The following WDR36 variants were observed in gnomAD, a reference collection of about 807,000 sequenced individuals.
WDR36 encodes the protein WD repeat domain 36.
A neutral mutation model predicts 112.7 loss-of-function variants in WDR36; 63 were observed. The ratio of observed to expected loss-of-function variants is 0.56; its 90% CI spans 0.46 to 0.69. The LOEUF (loss-of-function observed/expected upper bound fraction) is 0.69. Ranked by LOEUF, WDR36 falls within the 30% of genes least tolerant of loss-of-function variation. The pLI, the probability that WDR36 is intolerant of heterozygous loss-of-function variation, is 0.00. For missense variants in WDR36, 1,226 were observed against 1,070.3 expected (o/e 1.15, Z -2.03); for synonymous variants, 410 against 362.2 (o/e 1.13, Z -1.50).
Position 111,098,483 on chromosome 5 carries a change from C to G in WDR36, c.292-239C>G, listed in dbSNP as rs1251161776. 3.3e-5 allele frequency among the ~76,000 whole-genome samples: 5 copies of G among 152,258 alleles called. No individual in the cohort carries two copies. In the East Asian group the frequency reaches 7.7e-4, roughly 24 times the overall value. ...AGATGGAAGGCAGAGCCTCAGAGGT[C>G]TCATTTCTTTGTTCTTAATGGACAG... On this transcript the variant is annotated intron_variant, in intron 3 of 22. Transcript: ENST00000513710.
At chr5:111,113,369 C>A (rs954905690) in intron 16 of WDR36, among the ~76,000 whole-genome samples, 5 of 151,972 alleles carry the variant, frequency 3.3e-5, no homozygotes, top group Non-Finnish European at 7.4e-5. Flanking sequence ...TGAAATCTCT[C>A]TTAGGTTTTC....
rs1357360602 is a variant in WDR36 at position 111,120,656 on chromosome 5, T to C, written c.2002+63T>C. 7.8e-6 allele frequency: 11 copies of C among 1,406,378 alleles called. No individual in the cohort carries two copies. The African/African-American group carries it at 9.9e-5, about 13-fold the overall frequency. 87.1% of individuals were successfully genotyped at this position (1,406,378 alleles called of 1,614,324 possible). The stretch of plus-strand genomic sequence containing the variant: ...TATTATAAACCTAATGTAGGAGATA[T>C]TGCTACCAAAGGCAAAGTTTAGTGC... On this transcript the variant is annotated intron_variant, in intron 18 of 22. Transcript: ENST00000513710.
intron 2 of WDR36, among the ~76,000 whole-genome samples, chr5:111,095,852 GT>G (rs780316446): frequency 2.0e-5 from 3 of 151,470 alleles, no homozygotes; most frequent in South Asian, 4.2e-4. Context: ...CAATGGAAGG[GT>G]TTTTTTTTAA....
intron 15 of WDR36, chr5:111,111,615 T>C: frequency 3.7e-6 from 1 of 267,430 alleles, no homozygotes; most frequent in Admixed American, 5.0e-5. Context: ...TCTGATTTAC[T>C]ATGTATGGAA....
At chr5:111,097,270 C>T in intron 3 of WDR36, 91 bp downstream of exon 3, 1 of 882,674 alleles carries the variant, frequency 1.1e-6, no homozygotes, top group Non-Finnish European at 1.9e-6. Flanking sequence ...TTACCCAGCA[C>T]ACTCTGGAAC....
chr5:111,126,597 A>G, intron 22 of WDR36, 137 bp from the exon 23 acceptor site: 1 of 930,388 alleles, frequency 1.1e-6, no homozygotes, highest in Non-Finnish European at 1.6e-6. Flanking sequence ...GGAAAATGGG[A>G]GATAGTAATA....
At position 111,127,923 on chromosome 5, in the gene WDR36, G is replaced by GTTTTTTTTTTTTTTTTTTTTTT. The variant is rs1174312563; in HGVS notation, c.*1059_*1060insTTTTTTTTTTTTTTTTTTTTTT. ...GGTTTTTTTTATTTTGTTTTGTTTT[G>GTTTTTTTTTTTTTTTTTTTTTT]TTTTTTTTTTTTTTTTTTTGGCTAC... is the stretch of plus-strand genomic sequence containing the variant. On this transcript the variant is annotated 3_prime_UTR_variant, in exon 23 of 23. Coordinates refer to ENST00000513710, the MANE Select transcript of WDR36 (RefSeq NM_139281.3). 1 of 134,334 alleles carries GTTTTTTTTTTTTTTTTTTTTTT rather than the reference G, an allele frequency of 7.4e-6. No homozygotes were observed. The allele number at this position is 134,334 out of a possible 1,614,324, so 8.3% of individuals were successfully genotyped here. A position where few individuals can be genotyped will look rare whatever the true frequency, so the allele number is the denominator to read the frequency against.
intron 12 of WDR36, among the ~76,000 whole-genome samples, chr5:111,108,087 T>A (rs1753254970): frequency 1.3e-5 from 2 of 151,448 alleles, no homozygotes; most frequent in Non-Finnish European, 3.0e-5. Context: ...GTGTTGTCTC[T>A]GATCTATGAA....
rs144303225 is a variant in WDR36 at position 111,125,732 on chromosome 5, G to A, written c.2475G>A (p.Gly825=). The change falls in exon 22 of 23, where the codon GGG becomes GGA. Residue 825 remains glycine (G), a synonymous_variant. Transcript: ENST00000513710. ...TGCAGAGCTTCTTGAAAATGATTGGGATGATGCTGGACAGAAAGCGTGATT... is the reference window on the plus strand; with the variant it reads ...TGCAGAGCTTCTTGAAAATGATTGGAATGATGCTGGACAGAAAGCGTGATT... ...EVMQSFLKMI[G]MMLDRKRDFE... is the part of the protein sequence containing the mutation. 6.1e-5 allele frequency: 99 copies of A among 1,613,812 alleles called. No individual in the cohort carries two copies. Among genetic ancestry groups the A allele is most frequent in the Admixed American group, 4.0e-4 (24 of 59,984 alleles).
intron 15 of WDR36, among the ~76,000 whole-genome samples, chr5:111,112,027 T>C (rs926035044): frequency 4.0e-5 from 6 of 151,822 alleles, no homozygotes; most frequent in Non-Finnish European, 5.9e-5. Context: ...TCCTTCAAAA[T>C]TGAAGAAAAA....
At chr5:111,114,141 G>C (rs1036919749) in intron 16 of WDR36, among the ~76,000 whole-genome samples, 3 of 152,160 alleles carry the variant, frequency 2.0e-5, no homozygotes, top group Non-Finnish European at 4.4e-5. Flanking sequence ...GAACAGAGGA[G>C]ACATACAGAA....
In WDR36 at chr5:111,113,113, A is replaced by C; in HGVS notation, c.1756A>C (p.Met586Leu). The change falls in exon 16 of 23, where the codon ATG becomes CTG. Residue 586 changes from methionine to leucine, a missense_variant. Met to Leu is a conservative substitution (Grantham distance 15). Coordinates refer to ENST00000513710, the MANE Select transcript of WDR36 (RefSeq NM_139281.3). ...TGGTCGTTGGTTAATAAGTGCTGCG[A>C]TGGATTGCTCTATTAGGACTTGGGA... Reference protein sequence around the residue: ...PDGRWLISAAMDCSIRTWDLP... With the variant: ...PDGRWLISAALDCSIRTWDLP... 1 of 1,581,190 alleles carries C rather than the reference A, an allele frequency of 6.3e-7. No homozygotes were observed. Among genetic ancestry groups the C allele is most frequent in the Non-Finnish European group, 8.6e-7 (1 of 1,161,666 alleles).
chr5:111,103,818 TATGTC>T lies in WDR36; in HGVS notation c.632_636del (p.Met211ArgfsTer9). ...CCGTGGATGTTGTTGCTATTGGTCT[TATGTC>T]AGGTCAAGTTATCATTCACAACATT... On this transcript the variant is annotated frameshift_variant, in exon 7 of 23. Coordinates refer to ENST00000513710, the MANE Select transcript of WDR36 (RefSeq NM_139281.3). LOFTEE classifies it high-confidence loss of function. The T allele has an allele frequency of 6.2e-7, 1 of 1,611,324 alleles. No homozygotes were observed. Among genetic ancestry groups the T allele is most frequent in the Non-Finnish European group, 8.5e-7 (1 of 1,178,196 alleles).
chr5:111,092,437 G>A lies in WDR36; in HGVS notation c.-20G>A, dbSNP rs963866283. ...TTTCCTTCAGGACCAGAGCTGAGAG[G>A]AGCTGGGATCGCGGCGGCAATGGAA... On this transcript the variant is annotated 5_prime_UTR_variant, in exon 1 of 23. Coordinates refer to ENST00000513710, the MANE Select transcript of WDR36 (RefSeq NM_139281.3). The A allele has an allele frequency of 5.0e-6, 8 of 1,614,128 alleles. No homozygotes were observed. Among genetic ancestry groups the A allele is most frequent in the Non-Finnish European group, 6.8e-6 (8 of 1,180,052 alleles).
chr5:111,113,084 C>A lies in WDR36; in HGVS notation c.1727C>A (p.Pro576His), dbSNP rs753896937. The A allele has an allele frequency of 1.4e-6, 2 of 1,431,562 alleles. No homozygotes were observed. Among genetic ancestry groups the A allele is most frequent in the East Asian group, 2.6e-5 (1 of 38,550 alleles). The allele number at this position is 1,431,562 out of a possible 1,614,324, so 88.7% of individuals were successfully genotyped here. A position where few individuals can be genotyped will look rare whatever the true frequency, so the allele number is the denominator to read the frequency against. The change falls in exon 16 of 23, where the codon CCT becomes CAT. Residue 576 changes from proline to histidine, a missense_variant. Coordinates refer to ENST00000513710, the MANE Select transcript of WDR36 (RefSeq NM_139281.3). ...TTTTTTAATTTAAAGGCTTTTAGTC[C>A]TGATGGTCGTTGGTTAATAAGTGCT... ...QGQINDMAFS[P>H]DGRWLISAAM...
intron 19 of WDR36, among the ~76,000 whole-genome samples, chr5:111,123,352 A>G (rs889861546): frequency 9.2e-5 from 14 of 152,238 alleles, no homozygotes; most frequent in African/African-American, 3.4e-4. Context: ...TTATAATGTC[A>G]GTCTGCTTCT....
At chr5:111,111,347 A>G in intron 15 of WDR36, 69 bp downstream of exon 15, 1 of 1,229,842 alleles carries the variant, frequency 8.1e-7, no homozygotes, top group Non-Finnish European at 1.2e-6. Flanking sequence ...ATCCTTTAAT[A>G]GCCTTAAAAT....
chr5:111,120,791 TGAA>T (rs1753547833), intron 18 of WDR36, among the ~76,000 whole-genome samples, 198 bp downstream of exon 18: 2 of 152,154 alleles, frequency 1.3e-5, no homozygotes, highest in Non-Finnish European at 2.9e-5. Flanking sequence ...AGTATACCAT[TGAA>T]GAAGGTGTTT....
chr5:111,128,350 C>T lies in WDR36; in HGVS notation c.*1467C>T, dbSNP rs1206322770. 1 of 184,500 alleles carries T rather than the reference C, an allele frequency of 5.4e-6. No homozygotes were observed. Among genetic ancestry groups the T allele is most frequent in the African/African-American group, 2.3e-5 (1 of 42,656 alleles). The allele number at this position is 184,500 out of a possible 1,614,324, so 11.4% of individuals were successfully genotyped here. ...AATGATGTAAGATAGAATTAATAAA[C>T]TACTAAGGAAATAAGCCAATGTGGT... On this transcript the variant is annotated 3_prime_UTR_variant, in exon 23 of 23. Transcript: ENST00000513710.
Sources: allele counts gnomAD v4.1 joint callset (sites outside exome capture counted in the v4.1 genomes callset), GRCh38; gene constraint gnomAD v4.1.1; transcripts MANE v1.5; gene names NCBI Gene and HGNC (gene_info 2026-07-23, HGNC 2026-07-21).